YIPF6: variants seen among roughly 807,000 people sequenced by gnomAD.
YIPF6 encodes the protein protein YIPF6.
A neutral mutation model predicts 16.8 loss-of-function variants in YIPF6; 3 were observed. That is an observed-to-expected ratio of 0.18 (90% CI 0.08 to 0.46). The LOEUF (loss-of-function observed/expected upper bound fraction) is 0.46. Among genes scored for constraint, YIPF6 ranks in the 20% least tolerant of loss-of-function variants. The pLI is 0.98. For synonymous variants in YIPF6, 67 were observed against 61.9 expected, an observed-to-expected ratio of 1.08 and a Z score of -0.38; for missense variants, 145 against 184.9, an observed-to-expected ratio of 0.78 and a Z score of 1.25.
chrX:68,511,944 C>T lies in YIPF6; in HGVS notation c.153C>T (p.Ser51=). ...PMRSRIREFD[S]STLNESVRNT... Reference sequence around the variant, plus strand: ...GATCTCGCATCCGGGAGTTTGACAGCTCCACATTAAATGAATCTGTTCGCA... The same window carrying T: ...GATCTCGCATCCGGGAGTTTGACAGTTCCACATTAAATGAATCTGTTCGCA... The change falls in exon 2 of 7, where the codon AGC becomes AGT. Residue 51 remains serine (S), a synonymous_variant. Transcript: ENST00000462683. 3 of 1,209,987 alleles carry T rather than the reference C, an allele frequency of 2.5e-6. No individual in the cohort carries two copies. Among genetic ancestry groups the T allele is most frequent in the Non-Finnish European group, 3.4e-6 (3 of 894,984 alleles).
chrX:68,511,299 C>T lies in YIPF6; in HGVS notation c.58-550C>T, dbSNP rs182985531. On this transcript the variant is annotated intron_variant, in intron 1 of 6. Coordinates refer to ENST00000462683, the MANE Select transcript of YIPF6 (RefSeq NM_173834.4). ...GGTTGTAATAACATTTGGCAGATGA[C>T]TATGAATTTAAAAGTTCACATTCTT... 2.7e-5 allele frequency among the ~76,000 whole-genome samples: 3 copies of T among 112,804 alleles called. No homozygotes were observed. The Admixed American group carries it at 2.8e-4, about 11-fold the overall frequency.
rs1044635870 is a variant in YIPF6, at chrX:68,534,208, G to A, written c.*2209G>A. 2 of 111,189 alleles carry A rather than the reference G, an allele frequency of 1.8e-5. No individual in the cohort carries two copies. Among genetic ancestry groups the A allele is most frequent in the Non-Finnish European group, 3.8e-5 (2 of 52,963 alleles). The allele number at this position is 111,189 out of a possible 1,213,427, so 9.2% of individuals were successfully genotyped here. A position where few individuals can be genotyped will look rare whatever the true frequency, so the allele number is the denominator to read the frequency against. On this transcript the variant is annotated 3_prime_UTR_variant, in exon 7 of 7. Transcript: ENST00000462683. ...GATAACTTTGCCTACGAAATATTTC[G>A]CTTTTATTATTTTCACATCATTCTA...
intron 3 of YIPF6, among the ~76,000 whole-genome samples, chrX:68,517,234 G>T (rs2079106532): frequency 9.0e-6 from 1 of 111,719 alleles, no homozygotes; most frequent in Non-Finnish European, 1.9e-5. Flanking sequence ...TGCAACCTCT[G>T]CCACCCGGGT....
At position 68,535,952 on chromosome X, in the gene YIPF6, G is replaced by T. The variant is rs2079189709; in HGVS notation, c.*3953G>T. 9.1e-6 allele frequency: 1 copy of T among 110,371 alleles called. No individual in the cohort carries two copies. Among genetic ancestry groups the T allele is most frequent in the African/African-American group, 3.3e-5 (1 of 30,295 alleles). The allele number at this position is 110,371 out of a possible 1,213,427, so 9.1% of individuals were successfully genotyped here. ...AGGCATGCGTCACTACACCTAATTG[G>T]CTAATTTTTGTAGTTTTTGTAGAGA... On this transcript the variant is annotated 3_prime_UTR_variant, in exon 7 of 7. Transcript: ENST00000462683.
intron 1 of YIPF6, among the ~76,000 whole-genome samples, chrX:68,506,952 C>A (rs2079062240): frequency 8.9e-6 from 1 of 111,771 alleles, no homozygotes; most frequent in Non-Finnish European, 1.9e-5. Flanking sequence ...ACCACAATAA[C>A]ATTAATGCAT....
Position 68,521,357 on chromosome X carries a change from G to C in YIPF6, c.309-15G>C. 8.3e-7 allele frequency: 1 copy of C among 1,205,806 alleles called. No individual in the cohort carries two copies. Among genetic ancestry groups the C allele is most frequent in the Non-Finnish European group, 1.1e-6 (1 of 893,577 alleles). On this transcript the variant is annotated splice_polypyrimidine_tract_variant and intron_variant, in intron 4 of 6. Transcript: ENST00000462683. ...TAAAAGATTAAGCAATTCTTACGCT[G>C]TTTCCTTTTCTCAGAATGCTGCAAA...
In YIPF6 at chrX:68,532,125, G is replaced by A. The variant is rs892872880; in HGVS notation, c.*126G>A. The A allele has an allele frequency of 2.2e-5, 11 of 504,660 alleles. No individual in the cohort carries two copies. Among genetic ancestry groups the A allele is most frequent in the Admixed American group, 3.7e-5 (1 of 26,853 alleles). The allele number at this position is 504,660 out of a possible 1,213,427, so 41.6% of individuals were successfully genotyped here. A position where few individuals can be genotyped will look rare whatever the true frequency, so the allele number is the denominator to read the frequency against. On this transcript the variant is annotated 3_prime_UTR_variant, in exon 7 of 7. Coordinates refer to ENST00000462683, the MANE Select transcript of YIPF6 (RefSeq NM_173834.4). ...AGGTATTTGATAACTGAGTAGGTGA[G>A]GAGATTAAAAGGGAGCCATATAGCA...
intron 6 of YIPF6, 144 bp downstream of exon 6, chrX:68,523,061 GAGT>G: frequency 3.0e-6 from 2 of 669,851 alleles, no homozygotes. Flanking sequence ...CCTCTTCCCT[GAGT>G]AGGCAATGAT....
In YIPF6 at chrX:68,509,916, C is replaced by T. The variant is rs1206806982; in HGVS notation, c.58-1933C>T. Among the ~76,000 whole-genome samples, 4 of 111,697 alleles carry T rather than the reference C, an allele frequency of 3.6e-5. No individual in the cohort carries two copies. In the East Asian group the frequency reaches 1.1e-3, roughly 31 times the overall value. ...CTATTGCTTCCAGGGATTCTGTACT[C>T]TTGTGCTGATCCATACTTGGACTTT... On this transcript the variant is annotated intron_variant, in intron 1 of 6. Coordinates refer to ENST00000462683, the MANE Select transcript of YIPF6 (RefSeq NM_173834.4).
intron 6 of YIPF6, among the ~76,000 whole-genome samples, chrX:68,523,381 C>T (rs1979039317): frequency 8.9e-6 from 1 of 112,189 alleles, no homozygotes; most frequent in Admixed American, 9.5e-5. Flanking sequence ...TTAGTCCCAT[C>T]TTACAGATGA....
In YIPF6 at chrX:68,518,697, G is replaced by A; in HGVS notation, c.266-73G>A. The A allele has an allele frequency of 2.7e-6, 3 of 1,116,916 alleles. No individual in the cohort carries two copies. In the South Asian group the frequency reaches 6.3e-5, roughly 23 times the overall value. 92.0% of individuals were successfully genotyped at this position (1,116,916 alleles called of 1,213,427 possible). ...AGAGAGCCTTGATGTCTGAATTCTA[G>A]GAGGGAGAGAGGTAGATATTAGAAT... is the stretch of plus-strand genomic sequence containing the variant. On this transcript the variant is annotated intron_variant, in intron 3 of 6. Transcript: ENST00000462683.
chrX:68,528,637 G>A (rs1379505777), intron 6 of YIPF6, among the ~76,000 whole-genome samples: 2 of 111,779 alleles, frequency 1.8e-5, no homozygotes, highest in Non-Finnish European at 3.8e-5. Context: ...TCCTTTCCAT[G>A]TTTAGTGCTT....
chrX:68,528,587 T>C (rs2079158818), intron 6 of YIPF6, among the ~76,000 whole-genome samples: 1 of 112,155 alleles, frequency 8.9e-6, no homozygotes, highest in African/African-American at 3.2e-5. Context: ...CGATAGTCTT[T>C]ACAATTAGTT....
chrX:68,511,805 A>G, intron 1 of YIPF6, 44 bp from the exon 2 acceptor site: 1 of 1,165,205 alleles, frequency 8.6e-7, no homozygotes, highest in Non-Finnish European at 1.1e-6. Context: ...GAGGAATGCT[A>G]CAGTTTATTA....
rs1408979129 is a variant in YIPF6 at position 68,528,577 on chromosome X, C to T, written c.593-3304C>T. Reference sequence around the variant, plus strand: ...AGTTGATGCCATTTCTTCATAGTGTCGATAGTCTTTACAATTAGTTACGTT... The same window carrying T: ...AGTTGATGCCATTTCTTCATAGTGTTGATAGTCTTTACAATTAGTTACGTT... On this transcript the variant is annotated intron_variant, in intron 6 of 6. Transcript: ENST00000462683. Among the ~76,000 whole-genome samples, 5 of 111,736 alleles carry T rather than the reference C, an allele frequency of 4.5e-5. No individual in the cohort carries two copies. The East Asian group carries it at 8.4e-4, about 19-fold the overall frequency.
intron 6 of YIPF6, among the ~76,000 whole-genome samples, chrX:68,530,816 A>G (rs978419297): frequency 2.7e-5 from 3 of 111,200 alleles, no homozygotes; most frequent in Admixed American, 9.6e-5. Flanking sequence ...ACCAGTCCCA[A>G]TGAGATGAAC....
chrX:68,502,632 A>G (rs984317991), intron 1 of YIPF6, among the ~76,000 whole-genome samples: 3 of 111,285 alleles, frequency 2.7e-5, no homozygotes, highest in Non-Finnish European at 3.8e-5. Flanking sequence ...AGTTTGAGAT[A>G]CTGGCAGGCC....
intron 1 of YIPF6, among the ~76,000 whole-genome samples, chrX:68,504,188 G>T (rs1489245945): frequency 8.9e-6 from 1 of 112,239 alleles, no homozygotes; most frequent in East Asian, 2.8e-4. Flanking sequence ...TCCTTGTCTT[G>T]TCCCTGTGGA....
intron 1 of YIPF6, among the ~76,000 whole-genome samples, chrX:68,509,839 G>A (rs2079073439): frequency 8.9e-6 from 1 of 111,776 alleles, no homozygotes; most frequent in African/African-American, 3.3e-5. Flanking sequence ...CTTTCCTCTA[G>A]GGGCTTTTTT....
Sources: gnomAD v4.1 joint callset for allele counts (sites outside exome capture counted in the v4.1 genomes callset) on GRCh38, gnomAD v4.1.1 for gene constraint, MANE v1.5 for transcripts, NCBI Gene and HGNC (gene_info 2026-07-23, HGNC 2026-07-21) for gene names.